CCSER1: variants seen among roughly 807,000 people sequenced by gnomAD.
CCSER1 encodes the protein serine-rich coiled-coil domain-containing protein 1.
Under a neutral mutation model 82.0 loss-of-function variants are expected in CCSER1, and 41 were observed. The ratio of observed to expected loss-of-function variants is 0.50; its 90% confidence interval spans 0.39 to 0.65. CCSER1 has a LOEUF of 0.65. Among genes scored for constraint, CCSER1 ranks in the 30% least tolerant of loss-of-function variants. The pLI is 0.00. For missense variants in CCSER1, 1,119 were observed against 1,064.2 expected, an observed-to-expected ratio of 1.05 and a Z score of -0.72; for synonymous variants, 414 against 383.9, an observed-to-expected ratio of 1.08 and a Z score of -0.92.
At chr4:91,256,141 T>TGG (rs553425372) in intron 10 of CCSER1, among the ~76,000 whole-genome samples, 6 of 151,932 alleles carry the variant, frequency 3.9e-5, no homozygotes, top group Non-Finnish European at 7.4e-5. Flanking sequence ...CCTGGTTGGG[T>TGG]GGGGGGGCCC....
At chr4:91,378,473 G>T (rs1578309882) in intron 10 of CCSER1, among the ~76,000 whole-genome samples, 2 of 152,142 alleles carry the variant, frequency 1.3e-5, no homozygotes, top group Non-Finnish European at 2.9e-5. Flanking sequence ...CACATTCCTT[G>T]TAAGTTGGAT....
chr4:91,163,449 G>T (rs188051487), intron 10 of CCSER1, among the ~76,000 whole-genome samples: 12 of 151,116 alleles, frequency 7.9e-5, no homozygotes, highest in African/African-American at 2.7e-4. Flanking sequence ...TATTAGGTCT[G>T]CTTGGTGCAG....
intron 10 of CCSER1, among the ~76,000 whole-genome samples, chr4:91,183,419 G>A (rs1310009466): frequency 5.3e-5 from 8 of 152,166 alleles, no homozygotes; most frequent in Non-Finnish European, 1.2e-4. Flanking sequence ...TTTAAATTTA[G>A]TTATTTTAGG....
At chr4:91,057,463 A>C (rs982217709) in intron 9 of CCSER1, among the ~76,000 whole-genome samples, 1 of 152,200 alleles carries the variant, frequency 6.6e-6, no homozygotes, top group Non-Finnish European at 1.5e-5. Context: ...TGCTAGAAGC[A>C]TGAGAGAAAC....
chr4:90,629,745 C>A (rs905109502), intron 6 of CCSER1, among the ~76,000 whole-genome samples: 2 of 152,062 alleles, frequency 1.3e-5, no homozygotes. Context: ...TGTGCTGTAG[C>A]GGTATGCTTA....
At chr4:90,435,856 C>CA (rs1445928547) in intron 4 of CCSER1, among the ~76,000 whole-genome samples, 12 of 149,660 alleles carry the variant, frequency 8.0e-5, no homozygotes, top group African/African-American at 3.0e-4. Context: ...GTGAATACTT[C>CA]AAAAAAATCT....
intron 10 of CCSER1, among the ~76,000 whole-genome samples, chr4:91,581,957 A>G (rs1763748596): frequency 6.6e-6 from 1 of 151,702 alleles, no homozygotes; most frequent in African/African-American, 2.4e-5. Flanking sequence ...GATTCATAAC[A>G]TGCTCATACA....
chr4:91,387,005 T>C (rs1337504549), intron 10 of CCSER1, among the ~76,000 whole-genome samples: 4 of 151,962 alleles, frequency 2.6e-5, no homozygotes, highest in African/African-American at 9.7e-5. Context: ...GACAGGATCC[T>C]GTATAGGAGG....
intron 1 of CCSER1, among the ~76,000 whole-genome samples, chr4:90,233,355 C>G (rs891233638): frequency 2.0e-5 from 3 of 152,064 alleles, no homozygotes; most frequent in Non-Finnish European, 2.9e-5. Context: ...TCATCATTCT[C>G]AGTAAACTAT....
intron 10 of CCSER1, among the ~76,000 whole-genome samples, chr4:91,358,767 G>A (rs1008136750): frequency 3.4e-4 from 51 of 152,118 alleles, no homozygotes; most frequent in African/African-American, 1.2e-3. Flanking sequence ...TCGGGGGCCT[G>A]CTATGTGCGC....
intron 1 of CCSER1, among the ~76,000 whole-genome samples, chr4:90,232,918 A>C (rs1307732113): frequency 9.9e-5 from 15 of 151,402 alleles, no homozygotes; most frequent in Non-Finnish European, 1.3e-4. Context: ...TCAAAACCAC[A>C]ATGAGATACC....
chr4:90,415,402 T>A (rs1386134364), intron 4 of CCSER1, among the ~76,000 whole-genome samples: 6 of 152,174 alleles, frequency 3.9e-5, no homozygotes, highest in Admixed American at 6.6e-5. Flanking sequence ...ATCGATTAAC[T>A]TTTTTTATAC....
intron 9 of CCSER1, among the ~76,000 whole-genome samples, chr4:91,054,193 G>T (rs898652159): frequency 1.3e-5 from 2 of 152,152 alleles, no homozygotes; most frequent in African/African-American, 4.8e-5. Flanking sequence ...TGCCTCTGGA[G>T]CTGTCCGCAA....
intron 10 of CCSER1, among the ~76,000 whole-genome samples, chr4:91,538,280 G>A (rs1223707665): frequency 1.3e-5 from 2 of 151,800 alleles, no homozygotes; most frequent in Non-Finnish European, 2.9e-5. Context: ...TTGAAGAAGG[G>A]AAAGCAAATG....
At chr4:90,263,744 G>A (rs1724749688) in intron 1 of CCSER1, among the ~76,000 whole-genome samples, 1 of 152,134 alleles carries the variant, frequency 6.6e-6, no homozygotes, top group South Asian at 2.1e-4. Flanking sequence ...GGTTTCTCAG[G>A]TGATGGGTGG....
chr4:90,628,120 T>C lies in CCSER1; in HGVS notation c.1820T>C (p.Leu607Pro). The stretch of plus-strand genomic sequence containing the variant: ...AACAGTCCATCTGCGGATTGGCCTC[T>C]ACAAGGTGTGGAAGAAAACGGAGGC... ...MPNSPSADWP[L>P]QGVEENGGID... is the part of the protein sequence containing the mutation. Residue 607 changes from leucine (L) to proline (P), a missense_variant, in exon 6 of 11, where the codon CTA becomes CCA. Transcript: ENST00000509176. 6.2e-7 allele frequency: 1 copy of C among 1,613,818 alleles called. No individual in the cohort carries two copies. The highest frequency in any genetic ancestry group is 8.5e-7 in the Non-Finnish European group (1 of 1,179,744).
chr4:90,962,126 A>G (rs932507240), intron 9 of CCSER1, among the ~76,000 whole-genome samples: 1 of 152,090 alleles, frequency 6.6e-6, no homozygotes, highest in Admixed American at 6.6e-5. Context: ...TAACTTGTCT[A>G]TGATAATACA....
intron 3 of CCSER1, among the ~76,000 whole-genome samples, chr4:90,340,702 G>T (rs1484460867): frequency 2.0e-5 from 3 of 151,972 alleles, no homozygotes; most frequent in Non-Finnish European, 4.4e-5. Context: ...CAATTTAATA[G>T]GTTTCCCCCT....
intron 10 of CCSER1, among the ~76,000 whole-genome samples, chr4:91,404,979 A>G (rs903753968): frequency 2.0e-5 from 3 of 152,082 alleles, no homozygotes; most frequent in Non-Finnish European, 4.4e-5. Context: ...TGATCTGTCT[A>G]ATGTTGACAG....
Sources: gnomAD v4.1 joint callset for allele counts (sites outside exome capture counted in the v4.1 genomes callset) on GRCh38, gnomAD v4.1.1 for gene constraint, MANE v1.5 for transcripts, NCBI Gene and HGNC (gene_info 2026-07-23, HGNC 2026-07-21) for gene names.